Variants in LSM12 observed in about 807,000 individuals in gnomAD.
The protein encoded by LSM12 is protein LSM12.
For missense variants in LSM12, 108 were observed against 238.9 expected (o/e 0.45, Z 3.61); for synonymous variants, 74 against 87.3 (o/e 0.85, Z 0.85).
intron 2 of LSM12, among the ~76,000 whole-genome samples, chr17:44,057,001 A>C (rs2049723331): frequency 6.6e-6 from 1 of 150,794 alleles, no homozygotes; most frequent in Non-Finnish European, 1.5e-5. Flanking sequence ...CAAAAACATA[A>C]AAAAATAAGA....
chr17:44,066,474 C>G lies in LSM12; in HGVS notation c.114G>C (p.Met38Ile), dbSNP rs1284632569. The G allele has an allele frequency of 6.4e-7, 1 of 1,553,718 alleles. No homozygotes were observed. Residue 38 changes from methionine (M) to isoleucine (I), a missense_variant, in exon 1 of 5, where the codon ATG (methionine) becomes ATC (isoleucine). By Grantham distance (10) the Met-to-Ile change is conservative (BLOSUM62 1). Coordinates refer to ENST00000293406, the MANE Select transcript of LSM12 (RefSeq NM_001371445.1). Reference sequence around the variant, plus strand: ...CGCAGGGAAGGATACTTAAAGCCAGCATTTTGGATTGGTAGTCAAAGGCTA... The same window carrying G: ...CGCAGGGAAGGATACTTAAAGCCAGGATTTTGGATTGGTAGTCAAAGGCTA... ...EVVAFDYQSK[M>I]LALKCPSSSG...
chr17:44,045,781 C>A (rs1375626988), intron 2 of LSM12, among the ~76,000 whole-genome samples: 1 of 151,774 alleles, frequency 6.6e-6, no homozygotes, highest in East Asian at 1.9e-4. Flanking sequence ...CCGTATTGCC[C>A]AGGATAGTCT....
At position 44,054,511 on chromosome 17, in the gene LSM12, G is replaced by A. The variant is rs532641332; in HGVS notation, c.258+9290C>T. ...TTTTTGTACAGACAGGGTCTATGTT[G>A]CCCATGCTGGTCTTGACCTCCTGGC... On this transcript the variant is annotated intron_variant, in intron 2 of 4. Transcript: ENST00000293406. 2.0e-3 allele frequency among the ~76,000 whole-genome samples: 300 copies of A among 152,210 alleles called. 1 individual carries two copies. The highest frequency in any genetic ancestry group is 6.8e-3 in the African/African-American group (283 of 41,538).
At chr17:44,041,079 T>G (rs998687923) in intron 2 of LSM12, among the ~76,000 whole-genome samples, 1 of 149,476 alleles carries the variant, frequency 6.7e-6, no homozygotes, top group African/African-American at 2.5e-5. Context: ...GAGACCAGCC[T>G]GGCCAACATG....
At chr17:44,051,477 T>TG (rs2049643542) in intron 2 of LSM12, among the ~76,000 whole-genome samples, 1 of 150,180 alleles carries the variant, frequency 6.7e-6, no homozygotes, top group Admixed American at 6.6e-5. Context: ...AGCTTGTGCC[T>TG]GGGGGGAGGA....
At chr17:44,053,438 G>T (rs1026810565) in intron 2 of LSM12, among the ~76,000 whole-genome samples, 1 of 152,184 alleles carries the variant, frequency 6.6e-6, no homozygotes, top group African/African-American at 2.4e-5. Flanking sequence ...CACTAGTGCA[G>T]AGCGGGTCTC....
intron 1 of LSM12, among the ~76,000 whole-genome samples, chr17:44,065,934 TG>T (rs749873051): frequency 6.6e-6 from 1 of 151,990 alleles, no homozygotes; most frequent in African/African-American, 2.4e-5. Context: ...AACTCTGCCC[TG>T]AACTTACTCT....
intron 1 of LSM12, among the ~76,000 whole-genome samples, chr17:44,065,280 CAT>C (rs2049856671): frequency 6.7e-6 from 1 of 149,870 alleles, no homozygotes; most frequent in South Asian, 2.1e-4. Context: ...TAAAAAAAAA[CAT>C]ATACAAAAAT....
chr17:44,060,452 C>T (rs1409803747), intron 2 of LSM12, among the ~76,000 whole-genome samples: 1 of 152,194 alleles, frequency 6.6e-6, no homozygotes, highest in Non-Finnish European at 1.5e-5. Context: ...AAAAAGGAAT[C>T]GCAAAGCATC....
At chr17:44,048,038 C>T (rs993880246) in intron 2 of LSM12, among the ~76,000 whole-genome samples, 4 of 151,478 alleles carry the variant, frequency 2.6e-5, no homozygotes, top group African/African-American at 9.7e-5. Flanking sequence ...CACACACACA[C>T]ACACACACAC....
At chr17:44,057,926 G>C (rs991150121) in intron 2 of LSM12, among the ~76,000 whole-genome samples, 3 of 139,074 alleles carry the variant, frequency 2.2e-5, no homozygotes, top group African/African-American at 7.8e-5. Flanking sequence ...AATTCAATGA[G>C]CATTAGTTAG....
chr17:44,046,775 T>G (rs1237466413), intron 2 of LSM12, among the ~76,000 whole-genome samples: 12 of 90,812 alleles, frequency 1.3e-4, no homozygotes, highest in Non-Finnish European at 2.5e-4. Context: ...TTTTTTTTTT[T>G]GCTGGAGTGC....
At chr17:44,040,101 A>T (rs770149337) in intron 3 of LSM12, 46 bp downstream of exon 3, 1 of 1,428,834 alleles carries the variant, frequency 7.0e-7, no homozygotes, top group East Asian at 2.3e-5. Context: ...CAGCACAACC[A>T]GGTAGCATTA....
At chr17:44,045,936 C>CTTTTTTTTTTACT (rs1555623994) in intron 2 of LSM12, among the ~76,000 whole-genome samples, 2 of 122,584 alleles carry the variant, frequency 1.6e-5, no homozygotes, top group Admixed American at 1.8e-4. Flanking sequence ...AAATATTTTA[C>CTTTTTTTTTTACT]TTTTTTTTTT....
intron 2 of LSM12, among the ~76,000 whole-genome samples, chr17:44,062,221 CAA>C (rs529081923): frequency 1.1e-4 from 7 of 63,904 alleles, no homozygotes; most frequent in African/African-American, 7.1e-5. Context: ...GACTCCGTCT[CAA>C]AAAAAAAAAA....
Position 44,059,446 on chromosome 17 carries a change from G to A in LSM12, c.258+4355C>T, listed in dbSNP as rs578059853. 7.9e-5 allele frequency among the ~76,000 whole-genome samples: 12 copies of A among 152,080 alleles called. No individual in the cohort carries two copies. In the South Asian group the frequency reaches 8.3e-4, roughly 11 times the overall value. On this transcript the variant is annotated intron_variant, in intron 2 of 4. Transcript: ENST00000293406. ...TCTACTAAAAATAGAAAAATTAGCCGGGCATGGTGGCAGCAGGCGCCTGTA... is the reference window on the plus strand; with the variant it reads ...TCTACTAAAAATAGAAAAATTAGCCAGGCATGGTGGCAGCAGGCGCCTGTA...
intron 2 of LSM12, among the ~76,000 whole-genome samples, chr17:44,058,298 T>C (rs560466713): frequency 3.9e-5 from 6 of 152,096 alleles, no homozygotes; most frequent in African/African-American, 2.4e-5. Context: ...AACTAACATC[T>C]GCCAAGTCTA....
chr17:44,061,055 C>T (rs552616424), intron 2 of LSM12, among the ~76,000 whole-genome samples: 40 of 152,280 alleles, frequency 2.6e-4, no homozygotes, highest in African/African-American at 8.7e-4. Context: ...CAGTGGCTCA[C>T]GCCTGTAATT....
At chr17:44,064,989 C>T (rs2049851755) in intron 1 of LSM12, among the ~76,000 whole-genome samples, 1 of 151,712 alleles carries the variant, frequency 6.6e-6, no homozygotes, top group East Asian at 2.0e-4. Flanking sequence ...AAAAATTAGC[C>T]GGGCACGGTG....
Sources: allele counts gnomAD v4.1 joint callset (sites outside exome capture counted in the v4.1 genomes callset), GRCh38; gene constraint gnomAD v4.1.1; transcripts MANE v1.5; gene names NCBI Gene and HGNC (gene_info 2026-07-23, HGNC 2026-07-21).